EML6: variants seen among roughly 807,000 people sequenced by gnomAD.
EML6 encodes EMAP like 6.
A neutral mutation model predicts 240.1 loss-of-function variants in EML6; 154 were observed. That is an observed-to-expected ratio of 0.64 (90% CI 0.56 to 0.73). EML6 has a LOEUF of 0.73. EML6 is among the 30% of genes least tolerant of loss of function. The probability of loss-of-function intolerance (pLI) is 0.00; values close to 1 mark genes in which losing one functional copy is unlikely to be tolerated. For synonymous variants in EML6, 1,148 were observed against 899.0 expected, an observed-to-expected ratio of 1.28 and a Z score of -4.95; for missense variants, 2,964 against 2,474.6, an observed-to-expected ratio of 1.20 and a Z score of -4.20.
intron 11 of EML6, among the ~76,000 whole-genome samples, chr2:54,855,592 T>C (rs373891731): frequency 1.5e-4 from 23 of 151,904 alleles, no homozygotes; most frequent in African/African-American, 5.3e-4. Flanking sequence ...AACAGCTCTT[T>C]GGATAATGGC....
intron 24 of EML6, among the ~76,000 whole-genome samples, chr2:54,908,985 T>A (rs536502062): frequency 1.3e-5 from 2 of 152,240 alleles, no homozygotes; most frequent in Non-Finnish European, 2.9e-5. Flanking sequence ...TCTATGTGTT[T>A]AGATTCTCGA....
intron 19 of EML6, among the ~76,000 whole-genome samples, chr2:54,893,497 C>G (rs1051464473): frequency 2.0e-5 from 3 of 152,172 alleles, no homozygotes; most frequent in Admixed American, 6.5e-5. Context: ...ATGGTCTAGT[C>G]AACTCTGAAA....
At chr2:54,807,414 G>A (rs747773605) in intron 2 of EML6, among the ~76,000 whole-genome samples, 1 of 152,194 alleles carries the variant, frequency 6.6e-6, no homozygotes, top group Non-Finnish European at 1.5e-5. Context: ...CAGCTACAGA[G>A]TGACACGCTT....
intron 2 of EML6, among the ~76,000 whole-genome samples, chr2:54,757,652 C>T (rs1667795723): frequency 6.6e-6 from 1 of 152,122 alleles, no homozygotes; most frequent in Non-Finnish European, 1.5e-5. Context: ...TTCTGGTGGA[C>T]TCACTGTTCT....
intron 39 of EML6, 34 bp from the exon 40 acceptor site, chr2:54,968,094 C>T (rs1055708914): frequency 6.5e-7 from 1 of 1,546,802 alleles, no homozygotes; most frequent in Admixed American, 2.0e-5. Flanking sequence ...GCCGTGACTT[C>T]CTTCTATCCT....
At chr2:54,735,636 T>C (rs1037841351) in intron 2 of EML6, among the ~76,000 whole-genome samples, 12 of 152,244 alleles carry the variant, frequency 7.9e-5, no homozygotes, top group Non-Finnish European at 7.3e-5. Flanking sequence ...TGTTTCCTAC[T>C]GGAATATGGC....
chr2:54,897,878 G>A (rs1672852270), intron 21 of EML6, among the ~76,000 whole-genome samples: 1 of 152,112 alleles, frequency 6.6e-6, no homozygotes, highest in South Asian at 2.1e-4. Flanking sequence ...TCACAGTCCT[G>A]TTCTGAGAGA....
At chr2:54,844,662 A>G (rs569863248) in intron 8 of EML6, among the ~76,000 whole-genome samples, 2 of 152,340 alleles carry the variant, frequency 1.3e-5, no homozygotes, top group South Asian at 4.1e-4. Context: ...CTGATTCTCA[A>G]AATTGTCTTT....
At chr2:54,815,773 A>G (rs1443130676) in intron 3 of EML6, among the ~76,000 whole-genome samples, 2 of 152,242 alleles carry the variant, frequency 1.3e-5, no homozygotes, top group Non-Finnish European at 1.5e-5. Flanking sequence ...CCTGCATAAC[A>G]GCACATGTAT....
intron 2 of EML6, among the ~76,000 whole-genome samples, chr2:54,797,177 A>AAAAAAAAAAAAAAAC (rs1669850770): frequency 1.6e-4 from 21 of 132,748 alleles, no homozygotes; most frequent in Non-Finnish European, 3.4e-4. Context: ...AAAAAAAAAA[A>AAAAAAAAAAAAAAAC]AAAAAAAAAA....
intron 16 of EML6, among the ~76,000 whole-genome samples, chr2:54,874,828 C>T (rs942776362): frequency 1.4e-4 from 21 of 152,094 alleles, no homozygotes; most frequent in Admixed American, 1.4e-3. Context: ...GTCTTAAATC[C>T]TTGCAACCAC....
chr2:54,856,268 A>C (rs547218212), intron 11 of EML6, among the ~76,000 whole-genome samples: 4 of 152,330 alleles, frequency 2.6e-5, no homozygotes, highest in African/African-American at 9.6e-5. Context: ...CCACACAGAC[A>C]CTGAAACGAG....
At chr2:54,923,475 T>C (rs1674374819) in intron 26 of EML6, among the ~76,000 whole-genome samples, 1 of 152,032 alleles carries the variant, frequency 6.6e-6, no homozygotes, top group Admixed American at 6.6e-5. Context: ...TGTATGCATA[T>C]ATCAGATTCT....
chr2:54,808,460 G>A (rs1670613512), intron 2 of EML6, among the ~76,000 whole-genome samples: 1 of 151,616 alleles, frequency 6.6e-6, no homozygotes, highest in South Asian at 2.1e-4. Flanking sequence ...TGCTCTCAAG[G>A]TTATCTTCAG....
intron 2 of EML6, among the ~76,000 whole-genome samples, chr2:54,762,815 G>T (rs1285630095): frequency 6.6e-6 from 1 of 152,160 alleles, no homozygotes; most frequent in African/African-American, 2.4e-5. Flanking sequence ...ATTTCTCCAA[G>T]AAATTCTGGT....
chr2:54,814,352 C>A (rs1235016591), intron 3 of EML6, among the ~76,000 whole-genome samples: 1 of 152,152 alleles, frequency 6.6e-6, no homozygotes, highest in Non-Finnish European at 1.5e-5. Flanking sequence ...TCCCTCCCAA[C>A]AACATTTTCT....
At chr2:54,813,817 A>G (rs1480313173) in intron 3 of EML6, among the ~76,000 whole-genome samples, 1 of 152,158 alleles carries the variant, frequency 6.6e-6, no homozygotes, top group South Asian at 2.1e-4. Context: ...CACTGAGAAG[A>G]TTATCCTTGA....
chr2:54,853,969 A>G (rs1404512192), intron 11 of EML6, 114 bp downstream of exon 11: 2 of 552,260 alleles, frequency 3.6e-6, no homozygotes, highest in Admixed American at 7.9e-5. Context: ...TTTATCTTGT[A>G]TATTCTTATT....
At chr2:54,756,387 G>A (rs897459574) in intron 2 of EML6, among the ~76,000 whole-genome samples, 62 of 152,146 alleles carry the variant, frequency 4.1e-4, no homozygotes, top group African/African-American at 1.3e-3. Context: ...AACACAGAGT[G>A]GATGTCTAAA....
Sources: gnomAD v4.1 joint callset for allele counts (sites outside exome capture counted in the v4.1 genomes callset) on GRCh38, gnomAD v4.1.1 for gene constraint, MANE v1.5 for transcripts, NCBI Gene and HGNC (gene_info 2026-07-23, HGNC 2026-07-21) for gene names.